Variants in DPP10 observed in about 807,000 individuals in gnomAD.
DPP10 encodes dipeptidyl peptidase like 10.
In DPP10, 33 loss-of-function variants were observed where a neutral mutation model predicts 120.9. That is an observed-to-expected ratio of 0.27 (90% confidence interval 0.21 to 0.37). The LOEUF is 0.37. Ranked by LOEUF, DPP10 falls within the 10% of genes least tolerant of loss-of-function variation. The pLI is 1.00. For synonymous variants in DPP10, 337 were observed against 326.1 expected (o/e 1.03, Z -0.36); for missense variants, 816 against 942.8 (o/e 0.87, Z 1.76).
At chr2:114,946,779 G>C (rs1697376421) in intron 1 of DPP10, among the ~76,000 whole-genome samples, 1 of 151,878 alleles carries the variant, frequency 6.6e-6, no homozygotes. Context: ...TCAAAGGTTT[G>C]TATCAGGATT....
At chr2:114,717,577 A>T (rs1393974668) in intron 1 of DPP10, among the ~76,000 whole-genome samples, 1 of 152,226 alleles carries the variant, frequency 6.6e-6, no homozygotes, top group African/African-American at 2.4e-5. Context: ...AACCTTTAAA[A>T]ATAATGTATA....
chr2:115,052,343 T>C (rs1268983178), intron 1 of DPP10, among the ~76,000 whole-genome samples: 1 of 152,038 alleles, frequency 6.6e-6, no homozygotes. Context: ...TTAATCAAAA[T>C]TAAACTTTTT....
chr2:114,865,540 T>C (rs1341368739), intron 1 of DPP10, among the ~76,000 whole-genome samples: 3 of 152,220 alleles, frequency 2.0e-5, no homozygotes, highest in Non-Finnish European at 4.4e-5. Context: ...TGTTATTTAA[T>C]TTAACATGTG....
chr2:114,550,848 C>T (rs529752335), intron 1 of DPP10, among the ~76,000 whole-genome samples: 17 of 152,266 alleles, frequency 1.1e-4, no homozygotes, highest in Middle Eastern at 3.4e-3. Flanking sequence ...CATGGGGGCA[C>T]GGAATGAAGG....
intron 1 of DPP10, among the ~76,000 whole-genome samples, chr2:114,792,744 G>A (rs1408363011): frequency 1.3e-5 from 2 of 152,178 alleles, no homozygotes; most frequent in Non-Finnish European, 2.9e-5. Context: ...CAGCTCTAAT[G>A]AGCTTCCCTA....
At chr2:114,910,549 A>G (rs1694293075) in intron 1 of DPP10, among the ~76,000 whole-genome samples, 2 of 152,010 alleles carry the variant, frequency 1.3e-5, no homozygotes, top group South Asian at 2.1e-4. Flanking sequence ...ATCTAATAAT[A>G]TTTTTACTAC....
chr2:114,955,985 A>G (rs1055128697), intron 1 of DPP10, among the ~76,000 whole-genome samples: 1 of 152,232 alleles, frequency 6.6e-6, no homozygotes, highest in Admixed American at 6.5e-5. Context: ...CACAGCTAAC[A>G]TCATCAAACT....
intron 1 of DPP10, among the ~76,000 whole-genome samples, chr2:115,254,210 T>C (rs957753734): frequency 1.3e-5 from 2 of 152,036 alleles, no homozygotes; most frequent in Non-Finnish European, 2.9e-5. Flanking sequence ...CCTACAATCA[T>C]GGTGGAAGGG....
intron 1 of DPP10, among the ~76,000 whole-genome samples, chr2:115,099,341 T>C (rs1202781121): frequency 1.3e-5 from 2 of 151,904 alleles, no homozygotes; most frequent in Non-Finnish European, 2.9e-5. Context: ...ACCAGGTTTA[T>C]TATATGGGGG....
At chr2:114,749,016 A>T (rs1408456862) in intron 1 of DPP10, among the ~76,000 whole-genome samples, 1 of 133,612 alleles carries the variant, frequency 7.5e-6, no homozygotes, top group Non-Finnish European at 1.6e-5. Context: ...TTACAGTCCC[A>T]CCAACAGTGT....
chr2:115,627,922 G>A (rs1011620446), intron 5 of DPP10, among the ~76,000 whole-genome samples: 1 of 152,126 alleles, frequency 6.6e-6, no homozygotes, highest in African/African-American at 2.4e-5. Context: ...TATTATTGAT[G>A]GGCATTTGGG....
In DPP10 at chr2:115,836,095, GTGTA is replaced by G. The variant is rs1361832135; in HGVS notation, c.1951-58_1951-55del. 8.9e-6 allele frequency: 7 copies of G among 783,478 alleles called. 1 individual carries two copies. In the South Asian group the frequency reaches 1.7e-4, roughly 19 times the overall value. The allele number at this position is 783,478 out of a possible 1,614,324, so 48.5% of individuals were successfully genotyped here. A position where few individuals can be genotyped will look rare whatever the true frequency, so the allele number is the denominator to read the frequency against. Reference sequence around the variant, plus strand: ...AGTTGTTATATATAAATTTGTGTGTGTGTATGTGTGTGTGTGTGTGTGAGATATA... The same window carrying G: ...AGTTGTTATATATAAATTTGTGTGTGTGTGTGTGTGTGTGTGTGAGATATA... On this transcript the variant is annotated intron_variant, in intron 21 of 25. Transcript: ENST00000410059.
intron 1 of DPP10, among the ~76,000 whole-genome samples, chr2:114,578,513 A>G (rs1450101568): frequency 6.6e-6 from 1 of 151,748 alleles, no homozygotes; most frequent in Non-Finnish European, 1.5e-5. Context: ...TTCCTTGATC[A>G]TTAGAAAACA....
intron 1 of DPP10, among the ~76,000 whole-genome samples, chr2:115,167,894 C>T (rs1374092814): frequency 6.6e-6 from 1 of 152,166 alleles, no homozygotes; most frequent in East Asian, 1.9e-4. Flanking sequence ...TAAACTTTGG[C>T]TAATTCTCAC....
chr2:115,699,036 CAAAAAA>C lies in DPP10; in HGVS notation c.576+9123_576+9128del, dbSNP rs1191197397. Among the ~76,000 whole-genome samples the C allele has an allele frequency of 2.0e-4, 10 of 50,788 alleles. No individual in the cohort carries two copies. In the Admixed American group the frequency reaches 2.2e-3, roughly 11 times the overall value. 33.3% of individuals were successfully genotyped at this position (50,788 alleles called of 152,430 possible). The stretch of plus-strand genomic sequence containing the variant: ...TTAGCTTGACTGAAAAAAAAAAAAA[CAAAAAA>C]AAAAAAACAAGAGAAGACTCAAATT... On this transcript the variant is annotated intron_variant, in intron 7 of 25. Coordinates refer to ENST00000410059, the MANE Select transcript of DPP10 (RefSeq NM_020868.6).
At chr2:115,317,381 T>C (rs976246530) in intron 2 of DPP10, among the ~76,000 whole-genome samples, 18 of 152,210 alleles carry the variant, frequency 1.2e-4, no homozygotes, top group African/African-American at 3.9e-4. Flanking sequence ...TCCCTTTTTA[T>C]GGCTCATAGC....
At chr2:114,894,645 A>T (rs1406160164) in intron 1 of DPP10, among the ~76,000 whole-genome samples, 3 of 152,150 alleles carry the variant, frequency 2.0e-5, no homozygotes, top group Non-Finnish European at 2.9e-5. Context: ...TAAGCAGTTA[A>T]TTTTTTTAAA....
rs541023997 is a variant in DPP10 at position 114,445,977 on chromosome 2, C to A, written c.60+3139C>A. Among the ~76,000 whole-genome samples the A allele has an allele frequency of 6.6e-5, 10 of 152,136 alleles. No homozygotes were observed. The South Asian group carries it at 2.1e-3, about 32-fold the overall frequency. ...AGCTTGTAAGGGAAGAAAGCTTTTC[C>A]TGATGTGATTACAAATCTTCCTGTG... On this transcript the variant is annotated intron_variant, in intron 1 of 25. Coordinates refer to ENST00000410059, the MANE Select transcript of DPP10 (RefSeq NM_020868.6).
chr2:114,471,247 T>A (rs1573423192), intron 1 of DPP10, among the ~76,000 whole-genome samples: 1 of 152,202 alleles, frequency 6.6e-6, no homozygotes, highest in African/African-American at 2.4e-5. Flanking sequence ...TCCTGGTTGG[T>A]GAGCAAATGC....
Sources: gnomAD v4.1 joint callset for allele counts (sites outside exome capture counted in the v4.1 genomes callset) on GRCh38, gnomAD v4.1.1 for gene constraint, MANE v1.5 for transcripts, NCBI Gene and HGNC (gene_info 2026-07-23, HGNC 2026-07-21) for gene names.